Variants in NOL4 observed in about 807,000 individuals in gnomAD.
NOL4 encodes the protein cancer/testis antigen 125.
A neutral mutation model predicts 75.9 loss-of-function variants in NOL4; 17 were observed. That is an observed-to-expected ratio of 0.22 (90% CI 0.15 to 0.34). NOL4 has a LOEUF of 0.34. NOL4 is among the 10% of genes least tolerant of loss of function. NOL4 has a pLI of 1.00. For missense variants in NOL4, 614 were observed against 793.5 expected, an observed-to-expected ratio of 0.77 and a Z score of 2.72; for synonymous variants, 292 against 289.9, an observed-to-expected ratio of 1.01 and a Z score of -0.07.
intron 1 of NOL4, among the ~76,000 whole-genome samples, chr18:34,162,751 A>G (rs1459406074): frequency 1.3e-5 from 2 of 152,208 alleles, no homozygotes; most frequent in Admixed American, 1.3e-4. Flanking sequence ...TGAGGCCAGC[A>G]TCATCCTGAT....
chr18:33,862,991 G>A (rs1396211984), intron 10 of NOL4, among the ~76,000 whole-genome samples: 6 of 152,234 alleles, frequency 3.9e-5, no homozygotes, highest in Non-Finnish European at 7.3e-5. Context: ...TTGCGGCACT[G>A]TTCACAATAG....
chr18:34,008,391 ATCTATC>A (rs2074173477), intron 6 of NOL4, among the ~76,000 whole-genome samples: 1 of 151,460 alleles, frequency 6.6e-6, no homozygotes, highest in Non-Finnish European at 1.5e-5. Flanking sequence ...CTATCTATCT[ATCTATC>A]TATCTATCTA....
intron 5 of NOL4, among the ~76,000 whole-genome samples, chr18:34,036,274 A>G (rs2075892168): frequency 6.6e-6 from 1 of 152,142 alleles, no homozygotes; most frequent in South Asian, 2.1e-4. Flanking sequence ...ATAATAAACC[A>G]TGATCAGATG....
At chr18:33,991,902 T>C (rs1408990685) in intron 6 of NOL4, among the ~76,000 whole-genome samples, 2 of 148,536 alleles carry the variant, frequency 1.3e-5, no homozygotes, top group East Asian at 1.9e-4. Context: ...AGGTTATCAA[T>C]AGGAGGCATA....
chr18:33,861,453 T>A (rs1330114124), intron 10 of NOL4, among the ~76,000 whole-genome samples: 2 of 152,196 alleles, frequency 1.3e-5, no homozygotes, highest in Non-Finnish European at 2.9e-5. Flanking sequence ...TGATGGTAGT[T>A]TGTATTTCTG....
At chr18:33,979,315 A>G (rs1417526620) in intron 6 of NOL4, among the ~76,000 whole-genome samples, 1 of 152,054 alleles carries the variant, frequency 6.6e-6, no homozygotes, top group Non-Finnish European at 1.5e-5. Context: ...CTAAAATATG[A>G]CAATATTCTT....
chr18:34,135,125 G>A (rs2080837146), intron 1 of NOL4, among the ~76,000 whole-genome samples: 1 of 152,070 alleles, frequency 6.6e-6, no homozygotes, highest in Non-Finnish European at 1.5e-5. Flanking sequence ...AAGGCAATAT[G>A]TGAAAACAAC....
intron 10 of NOL4, among the ~76,000 whole-genome samples, chr18:33,862,678 C>A (rs1599660795): frequency 6.6e-6 from 1 of 152,274 alleles, no homozygotes; most frequent in East Asian, 1.9e-4. Flanking sequence ...AAATGCTCAC[C>A]ATCACTGGCC....
At chr18:33,944,363 A>G (rs1398625089) in intron 8 of NOL4, among the ~76,000 whole-genome samples, 1 of 151,902 alleles carries the variant, frequency 6.6e-6, no homozygotes, top group Non-Finnish European at 1.5e-5. Context: ...ATAATATTCT[A>G]GAACAGCTAA....
chr18:34,119,767 G>A (rs575371206), intron 2 of NOL4, among the ~76,000 whole-genome samples: 27 of 151,996 alleles, frequency 1.8e-4, no homozygotes, highest in East Asian at 1.7e-3. Context: ...GACTACAGGC[G>A]CCCGCCACCA....
intron 5 of NOL4, among the ~76,000 whole-genome samples, chr18:34,036,426 C>T (rs1457209411): frequency 3.3e-5 from 5 of 152,142 alleles, no homozygotes; most frequent in African/African-American, 1.2e-4. Flanking sequence ...CATGTAAAAG[C>T]TTCAACCAAT....
At chr18:34,216,388 T>C (rs1201929877) in intron 1 of NOL4, among the ~76,000 whole-genome samples, 1 of 152,012 alleles carries the variant, frequency 6.6e-6, no homozygotes, top group Non-Finnish European at 1.5e-5. Context: ...AGACAAATAC[T>C]CTCAATTGTA....
At chr18:33,862,373 G>A (rs2063189956) in intron 10 of NOL4, among the ~76,000 whole-genome samples, 1 of 152,314 alleles carries the variant, frequency 6.6e-6, no homozygotes, top group Non-Finnish European at 1.5e-5. Context: ...AGGATTTCAT[G>A]TCTAAAACAC....
chr18:34,130,804 C>T (rs903235151), intron 1 of NOL4, among the ~76,000 whole-genome samples: 4 of 151,982 alleles, frequency 2.6e-5, no homozygotes, highest in African/African-American at 7.2e-5. Context: ...TAAAAATATG[C>T]AAAGTACTAT....
chr18:34,216,827 A>C (rs1268932066), intron 1 of NOL4, among the ~76,000 whole-genome samples: 1 of 151,948 alleles, frequency 6.6e-6, no homozygotes, highest in Non-Finnish European at 1.5e-5. Context: ...CTTTTCCATT[A>C]ACTTCAGGAA....
intron 1 of NOL4, among the ~76,000 whole-genome samples, chr18:34,201,941 C>T (rs1197021591): frequency 2.0e-5 from 3 of 151,638 alleles, no homozygotes; most frequent in Admixed American, 6.6e-5. Context: ...TATGTTTATT[C>T]TATATGGGAA....
chr18:34,129,756 A>G (rs1341375661), intron 2 of NOL4, 115 bp downstream of exon 2: 3 of 940,912 alleles, frequency 3.2e-6, no homozygotes, highest in Non-Finnish European at 4.4e-6. Context: ...TGACCATCAT[A>G]TGGCCTAATT....
intron 1 of NOL4, among the ~76,000 whole-genome samples, chr18:34,172,230 T>C (rs2146271806): frequency 6.6e-6 from 1 of 152,236 alleles, no homozygotes; most frequent in South Asian, 2.1e-4. Context: ...AACTAAATAT[T>C]TTTGGATAAC....
intron 10 of NOL4, among the ~76,000 whole-genome samples, chr18:33,856,057 T>A (rs144197817): frequency 2.0e-5 from 3 of 152,050 alleles, no homozygotes; most frequent in African/African-American, 7.2e-5. Context: ...AAGGTAAGAA[T>A]GCAAGGCCCA....
Sources: gnomAD v4.1 joint callset for allele counts (sites outside exome capture counted in the v4.1 genomes callset) on GRCh38, gnomAD v4.1.1 for gene constraint, MANE v1.5 for transcripts, NCBI Gene and HGNC (gene_info 2026-07-23, HGNC 2026-07-21) for gene names.